The following TSHR variants were observed in gnomAD, a reference collection of about 807,000 sequenced individuals.
TSHR encodes thyrotropin receptor.
In TSHR, 51 loss-of-function variants were observed where a neutral mutation model predicts 64.1. The observed-to-expected ratio is 0.80, with a 90% CI of 0.64 to 1.01. The LOEUF (loss-of-function observed/expected upper bound fraction) is 1.01. Ranked by LOEUF, TSHR falls within the 50% of genes least tolerant of loss-of-function variation. The probability of loss-of-function intolerance (pLI) is 0.00; values close to 1 mark genes in which losing one functional copy is unlikely to be tolerated. For missense variants in TSHR, 877 were observed against 942.8 expected, an observed-to-expected ratio of 0.93 and a Z score of 0.91; for synonymous variants, 361 against 361.9, an observed-to-expected ratio of 1.00 and a Z score of 0.03.
chr14:81,127,770 G>A (rs10136280), intron 8 of TSHR, among the ~76,000 whole-genome samples: 3,708 of 152,100 alleles, frequency 0.024, 169 homozygotes, highest in African/African-American at 0.085. Flanking sequence ...GCCTTTTGCC[G>A]TCCACCATGA....
At chr14:81,066,321 A>G (rs1025775655) in intron 2 of TSHR, among the ~76,000 whole-genome samples, 1 of 152,234 alleles carries the variant, frequency 6.6e-6, no homozygotes, top group Non-Finnish European at 1.5e-5. Flanking sequence ...TAGCTTGCTC[A>G]GCTTCATCCA....
chr14:81,011,354 G>T (rs1889896398), intron 1 of TSHR, among the ~76,000 whole-genome samples: 1 of 151,914 alleles, frequency 6.6e-6, no homozygotes, highest in Non-Finnish European at 1.5e-5. Flanking sequence ...AATTTATTCA[G>T]TTATTAGTTG....
intron 3 of TSHR, among the ~76,000 whole-genome samples, chr14:81,070,661 A>C (rs532748227): frequency 1.2e-4 from 18 of 150,326 alleles, no homozygotes; most frequent in African/African-American, 4.4e-4. Flanking sequence ...AGCAGCAAGG[A>C]AATAATAAAT....
At chr14:81,040,523 C>T (rs8016404) in intron 1 of TSHR, among the ~76,000 whole-genome samples, 4,022 of 151,930 alleles carry the variant, frequency 0.026, 175 homozygotes, top group African/African-American at 0.091. Flanking sequence ...AGTGGAGAGA[C>T]GACATACAGA....
chr14:81,125,977 A>G (rs1053875416), intron 8 of TSHR, among the ~76,000 whole-genome samples: 2 of 152,020 alleles, frequency 1.3e-5, no homozygotes, highest in African/African-American at 4.8e-5. Flanking sequence ...GTGCATGCTG[A>G]CTTCTTGACA....
chr14:81,113,996 T>C (rs573530582), intron 8 of TSHR, among the ~76,000 whole-genome samples: 1 of 152,170 alleles, frequency 6.6e-6, no homozygotes, highest in African/African-American at 2.4e-5. Flanking sequence ...AACAGGATTA[T>C]ATGAAAATTT....
chr14:81,045,688 T>C (rs1254623829), intron 1 of TSHR, among the ~76,000 whole-genome samples: 4 of 152,192 alleles, frequency 2.6e-5, no homozygotes, highest in Admixed American at 1.3e-4. Context: ...TCACATTTAC[T>C]GAATAATTAT....
chr14:80,994,470 C>T (rs1030166485), intron 1 of TSHR: 1 of 152,154 alleles, frequency 6.6e-6, no homozygotes. Context: ...CGCTACCCAA[C>T]TTCAAACTAT....
intron 3 of TSHR, among the ~76,000 whole-genome samples, chr14:81,075,673 A>C (rs1240518820): frequency 7.8e-6 from 1 of 127,642 alleles, no homozygotes; most frequent in South Asian, 2.6e-4. Flanking sequence ...GTGGAGAAAT[A>C]GGAACACTTT....
chr14:80,979,632 C>T (rs959758969), intron 1 of TSHR, among the ~76,000 whole-genome samples: 11 of 151,986 alleles, frequency 7.2e-5, no homozygotes, highest in African/African-American at 2.7e-4. Context: ...ATACCGTATT[C>T]CAAAAATATG....
intron 5 of TSHR, 38 bp from the exon 6 acceptor site, chr14:81,092,493 A>G (rs1323050126): frequency 1.3e-5 from 20 of 1,598,876 alleles, no homozygotes; most frequent in Non-Finnish European, 1.7e-5. Context: ...GAAGGAAAGC[A>G]TTTTTTCATT....
Position 81,109,395 on chromosome 14 carries a change from C to T in TSHR, c.692+943C>T, listed in dbSNP as rs990493638. Among the ~76,000 whole-genome samples the T allele has an allele frequency of 1.2e-4, 18 of 151,774 alleles. No homozygotes were observed. The South Asian group carries it at 3.5e-3, about 30-fold the overall frequency. On this transcript the variant is annotated intron_variant, in intron 8 of 9. Coordinates refer to ENST00000298171, the MANE Select transcript of TSHR (RefSeq NM_000369.5). ...CTGCACTCCAGCCTGGACGACAGAGCGAGAGTCTGTCTCAAAAAACAACAA... is the reference window on the plus strand; with the variant it reads ...CTGCACTCCAGCCTGGACGACAGAGTGAGAGTCTGTCTCAAAAAACAACAA...
chr14:80,999,249 A>G (rs1361682093), intron 1 of TSHR, among the ~76,000 whole-genome samples: 4 of 152,168 alleles, frequency 2.6e-5, no homozygotes, highest in Non-Finnish European at 5.9e-5. Context: ...ATTCTTTTTT[A>G]TATTGGAGAA....
At chr14:80,982,028 C>T (rs1246996576) in intron 1 of TSHR, 4 of 408,848 alleles carry the variant, frequency 9.8e-6, no homozygotes, top group Non-Finnish European at 1.9e-5. Flanking sequence ...CAGGCCAAAG[C>T]GGAAAAGAGT....
chr14:81,108,962 A>G, intron 8 of TSHR: 1 of 1,313,664 alleles, frequency 7.6e-7, no homozygotes. Flanking sequence ...CTATTTGTGC[A>G]TTTCCTTTGA....
At chr14:81,075,894 C>A (rs1303732716) in intron 3 of TSHR, among the ~76,000 whole-genome samples, 1 of 151,918 alleles carries the variant, frequency 6.6e-6, no homozygotes, top group Non-Finnish European at 1.5e-5. Flanking sequence ...TGGAACCAAC[C>A]CAAATGTCCA....
At chr14:80,993,756 G>T (rs1428700932) in intron 1 of TSHR, 1 of 151,854 alleles carries the variant, frequency 6.6e-6, no homozygotes, top group Non-Finnish European at 1.5e-5. Flanking sequence ...CAAATACCTG[G>T]ATATTTTAGG....
chr14:81,060,938 T>C (rs1739659845), intron 1 of TSHR, among the ~76,000 whole-genome samples: 1 of 152,132 alleles, frequency 6.6e-6, no homozygotes, highest in Non-Finnish European at 1.5e-5. Flanking sequence ...AGAGGCATAC[T>C]GGAATGCATG....
chr14:81,015,884 T>C (rs1281867920), intron 1 of TSHR, among the ~76,000 whole-genome samples: 1 of 152,170 alleles, frequency 6.6e-6, no homozygotes. Context: ...TATTTGTCTT[T>C]GTGTACCTGG....
Sources: allele counts gnomAD v4.1 joint callset (sites outside exome capture counted in the v4.1 genomes callset), GRCh38; gene constraint gnomAD v4.1.1; transcripts MANE v1.5; gene names NCBI Gene and HGNC (gene_info 2026-07-23, HGNC 2026-07-21).